The following HOXA5 variants were observed in gnomAD, a reference collection of about 807,000 sequenced individuals.
HOXA5 encodes the protein homeobox A5.
A neutral mutation model predicts 20.0 loss-of-function variants in HOXA5; 12 were observed. The ratio of observed to expected loss-of-function variants is 0.60; its 90% CI spans 0.38 to 0.97. The LOEUF (loss-of-function observed/expected upper bound fraction) is 0.97. Ranked by LOEUF, HOXA5 falls within the 50% of genes least tolerant of loss-of-function variation. HOXA5 has a pLI of 0.00. For synonymous variants in HOXA5, 159 were observed against 157.7 expected (o/e 1.01, Z -0.06); for missense variants, 352 against 380.3 (o/e 0.93, Z 0.62).
Position 27,143,153 on chromosome 7 carries a change from T to A in HOXA5, c.455A>T (p.Asp152Val). 2 of 1,609,398 alleles carry A rather than the reference T, an allele frequency of 1.2e-6. No homozygotes were observed. Among genetic ancestry groups the A allele is most frequent in the Non-Finnish European group, 1.7e-6 (2 of 1,178,574 alleles). The stretch of plus-strand genomic sequence containing the variant: ...CGCCTGCTCGCTGCTGGCAGGGGCG[T>A]CCTCCTCGGCTCCGGACGCCGTGCC... ...GVGTASGAEEDAPASSEQASA... is the reference protein window; with the variant it reads ...GVGTASGAEEVAPASSEQASA... The change falls in exon 1 of 2, where the codon GAC becomes GTC. Residue 152 changes from aspartate to valine, a missense_variant. Physicochemically the swap from Asp to Val is radical, Grantham distance 152. This residue lies in a region of HOXA5 where 319 missense variants were observed against 336.5 expected (regional missense o/e 0.95). Coordinates refer to ENST00000222726, the MANE Select transcript of HOXA5 (RefSeq NM_019102.4).
In HOXA5 at chr7:27,143,100, G is replaced by A. The variant is rs781649860; in HGVS notation, c.508C>T (p.Pro170Ser). The change falls in exon 1 of 2, where the codon CCG (proline) becomes TCG (serine). Residue 170 changes from proline (P) to serine (S), a missense_variant. Pro to Ser is a moderately conservative substitution (Grantham distance 74). This residue lies in a region of HOXA5 where 319 missense variants were observed against 336.5 expected (regional missense o/e 0.95). Transcript: ENST00000222726. ...ASAQSEPSPA[P>S]PAQPQIYPWM... Reference sequence around the variant, plus strand: ...GGGTAGATCTGGGGTTGGGCGGGCGGCGCCGGGCTCGGCTCGCTCTGCGCA... The same window carrying A: ...GGGTAGATCTGGGGTTGGGCGGGCGACGCCGGGCTCGGCTCGCTCTGCGCA... The A allele has an allele frequency of 1.3e-6, 2 of 1,566,560 alleles. No individual in the cohort carries two copies. Among genetic ancestry groups the A allele is most frequent in the South Asian group, 1.2e-5 (1 of 82,918 alleles).
chr7:27,142,611 C>A lies in HOXA5; in HGVS notation c.562+435G>T, dbSNP rs78416026. 21 of 192,570 alleles carry A rather than the reference C, an allele frequency of 1.1e-4. No individual in the cohort carries two copies. In the East Asian group the frequency reaches 3.0e-3, roughly 27 times the overall value. The allele number at this position is 192,570 out of a possible 1,614,324, so 11.9% of individuals were successfully genotyped here. On this transcript the variant is annotated intron_variant, in intron 1 of 1. Coordinates refer to ENST00000222726, the MANE Select transcript of HOXA5 (RefSeq NM_019102.4). ...TGCAGGCTCTCGCCTCGATTCTTTC[C>A]CCCAAGCCCCTTTTCGGGGGCTGTA...
At position 27,143,139 on chromosome 7, in the gene HOXA5, T is replaced by C; in HGVS notation, c.469A>G (p.Ser157Gly). 6.2e-7 allele frequency: 1 copy of C among 1,608,622 alleles called. No individual in the cohort carries two copies. The highest frequency in any genetic ancestry group is 8.5e-7 in the Non-Finnish European group (1 of 1,178,334). Residue 157 changes from serine (S) to glycine (G), a missense_variant, in exon 1 of 2, where the codon AGC becomes GGC. This residue lies in a region of HOXA5 where 319 missense variants were observed against 336.5 expected (regional missense o/e 0.95). Coordinates refer to ENST00000222726, the MANE Select transcript of HOXA5 (RefSeq NM_019102.4). ...SGAEEDAPAS[S>G]EQASAQSEPS... ...TCGCTCTGCGCACTCGCCTGCTCGC[T>C]GCTGGCAGGGGCGTCCTCCTCGGCT...
chr7:27,142,901 CAG>C (rs924324053), intron 1 of HOXA5, 143 bp downstream of exon 1: 4 of 721,358 alleles, frequency 5.5e-6, no homozygotes, highest in Non-Finnish European at 9.0e-6. Context: ...AGGAGGAAGG[CAG>C]GGGAGGGAGA....
At position 27,143,561 on chromosome 7, in the gene HOXA5, C is replaced by T; in HGVS notation, c.47G>A (p.Gly16Asp). Residue 16 changes from glycine to aspartate, a missense_variant, in exon 1 of 2, where the codon GGC becomes GAC. By Grantham distance (94) the Gly-to-Asp change is moderately conservative. Around this residue, in one of 3 missense-constraint regions of HOXA5, gnomAD observed 319 missense variants for 336.5 expected, o/e 0.95. Transcript: ENST00000222726. ...VNSFCGRYPN[G>D]PDYQLHNYGD... is the part of the protein sequence containing the mutation. ...ATAATTATGCAACTGGTAGTCCGGG[C>T]CATTTGGATAGCGACCGCAAAATGA... 1.2e-6 allele frequency: 2 copies of T among 1,605,866 alleles called. No individual in the cohort carries two copies. Among genetic ancestry groups the T allele is most frequent in the Non-Finnish European group, 1.7e-6 (2 of 1,175,978 alleles).
chr7:27,142,161 T>C (rs1436748316), intron 1 of HOXA5, 76 bp from the exon 2 acceptor site: 2 of 1,519,020 alleles, frequency 1.3e-6, no homozygotes, highest in Non-Finnish European at 1.8e-6. Flanking sequence ...GCTTGGGTCA[T>C]GAGCAGGGAA....
At position 27,141,958 on chromosome 7, in the gene HOXA5, A is replaced by T; in HGVS notation, c.690T>A (p.His230Gln). 6.2e-7 allele frequency: 1 copy of T among 1,614,222 alleles called. No individual in the cohort carries two copies. The highest frequency in any genetic ancestry group is 8.5e-7 in the Non-Finnish European group (1 of 1,180,038). ...LTRRRRIEIA[H>Q]ALCLSERQIK... ...TTTGTCTCTCGGAGAGGCAAAGAGC[A>T]TGTGCTATTTCAATCCTCCTTCTGC... Residue 230 changes from histidine to glutamine, a missense_variant, in exon 2 of 2, where the codon CAT (histidine) becomes CAA (glutamine). Transcript: ENST00000222726.
Position 27,143,218 on chromosome 7 carries a change from G to C in HOXA5, c.390C>G (p.Ala130=). 1 of 1,610,320 alleles carries C rather than the reference G, an allele frequency of 6.2e-7. No individual in the cohort carries two copies. Among genetic ancestry groups the C allele is most frequent in the Non-Finnish European group, 8.5e-7 (1 of 1,178,920 alleles). The part of the protein sequence containing the change: ...NSLSNSSGAS[A]DAGSTHISSR... ...TGCTGATGTGGGTGCTGCCGGCGTCGGCCGAGGCGCCGCTGGAGTTGCTTA... is the reference window on the plus strand; with the variant it reads ...TGCTGATGTGGGTGCTGCCGGCGTCCGCCGAGGCGCCGCTGGAGTTGCTTA... The change falls in exon 1 of 2, where the codon GCC becomes GCG. Residue 130 remains alanine, a synonymous_variant. Transcript: ENST00000222726.
chr7:27,143,252 T>C lies in HOXA5; in HGVS notation c.356A>G (p.Lys119Arg), dbSNP rs759065939. ...GCCGCTGGAGTTGCTTAGGGAGTTT[T>C]TCCCGCCGTGGTGGCTGTCGCTGCC... is the stretch of plus-strand genomic sequence containing the variant. The part of the protein sequence containing the change: ...SPGSDSHHGG[K>R]NSLSNSSGAS... Residue 119 changes from lysine to arginine, a missense_variant, in exon 1 of 2, where the codon AAA becomes AGA. By Grantham distance (26) the Lys-to-Arg change is conservative (BLOSUM62 2). Coordinates refer to ENST00000222726, the MANE Select transcript of HOXA5 (RefSeq NM_019102.4). 6.2e-7 allele frequency: 1 copy of C among 1,608,866 alleles called. No individual in the cohort carries two copies. The highest frequency in any genetic ancestry group is 8.5e-7 in the Non-Finnish European group (1 of 1,178,824).
chr7:27,142,438 T>C (rs1020974934), intron 1 of HOXA5, among the ~76,000 whole-genome samples: 1 of 152,162 alleles, frequency 6.6e-6, no homozygotes, highest in Non-Finnish European at 1.5e-5. Context: ...GGCCCTTTCC[T>C]GAGCGCCCAA....
At position 27,142,049 on chromosome 7, in the gene HOXA5, G is replaced by GT. The variant is rs1326879343; in HGVS notation, c.598dup (p.Thr200AsnfsTer28). 1 of 1,613,892 alleles carries GT rather than the reference G, an allele frequency of 6.2e-7. No individual in the cohort carries two copies. The highest frequency in any genetic ancestry group is 8.5e-7 in the Non-Finnish European group (1 of 1,180,014). On this transcript the variant is annotated frameshift_variant, in exon 2 of 2. Coordinates refer to ENST00000222726, the MANE Select transcript of HOXA5 (RefSeq NM_019102.4). LOFTEE classifies it high-confidence loss of function. ...CAGGGTCTGGTAGCGCGTGTAGGCC[G>GT]TCCGGGCCCTTTTGCCTTCCGGGCC...
Position 27,143,226 on chromosome 7 carries a change from C to A in HOXA5, c.382G>T (p.Ala128Ser). ...TGGGTGCTGCCGGCGTCGGCCGAGG[C>A]GCCGCTGGAGTTGCTTAGGGAGTTT... ...GKNSLSNSSG[A>S]SADAGSTHIS... The change falls in exon 1 of 2, where the codon GCC becomes TCC. Residue 128 changes from alanine (A) to serine (S), a missense_variant. This residue lies in a region of HOXA5 where 319 missense variants were observed against 336.5 expected (regional missense o/e 0.95). Transcript: ENST00000222726. 2 of 1,609,940 alleles carry A rather than the reference C, an allele frequency of 1.2e-6. No individual in the cohort carries two copies. Among genetic ancestry groups the A allele is most frequent in the Non-Finnish European group, 1.7e-6 (2 of 1,178,918 alleles).
Position 27,141,615 on chromosome 7 carries a change from C to T in HOXA5, c.*220G>A. 2.4e-6 allele frequency: 1 copy of T among 418,366 alleles called. No individual in the cohort carries two copies. Among genetic ancestry groups the T allele is most frequent in the South Asian group, 6.3e-5 (1 of 15,906 alleles). 25.9% of individuals were successfully genotyped at this position (418,366 alleles called of 1,614,324 possible). ...ATAAGTTAAAACATCTATTTTTTTT[C>T]AAGACAAAGCCATTCAGGACAAAGA... is the stretch of plus-strand genomic sequence containing the variant. On this transcript the variant is annotated 3_prime_UTR_variant, in exon 2 of 2. Coordinates refer to ENST00000222726, the MANE Select transcript of HOXA5 (RefSeq NM_019102.4).
At position 27,141,783 on chromosome 7, in the gene HOXA5, G is replaced by T; in HGVS notation, c.*52C>A. 1 of 1,587,386 alleles carries T rather than the reference G, an allele frequency of 6.3e-7. No homozygotes were observed. Among genetic ancestry groups the T allele is most frequent in the South Asian group, 1.2e-5 (1 of 86,270 alleles). ...AGTTTCAGAAAGTCACCTTAGTACT[G>T]ACACTACGCGGGATCCGCTAATACT... is the stretch of plus-strand genomic sequence containing the variant. On this transcript the variant is annotated 3_prime_UTR_variant, in exon 2 of 2. Transcript: ENST00000222726.
intron 1 of HOXA5, 67 bp from the exon 2 acceptor site, chr7:27,142,152 C>T: frequency 1.3e-6 from 2 of 1,555,288 alleles, no homozygotes; most frequent in Non-Finnish European, 1.7e-6. Flanking sequence ...GGGGGACAAG[C>T]TTGGGTCATG....
At chr7:27,142,927 C>G (rs1436145283) in intron 1 of HOXA5, 119 bp downstream of exon 1, 4 of 942,152 alleles carry the variant, frequency 4.2e-6, no homozygotes, top group Admixed American at 2.7e-5. Flanking sequence ...GCAAGGAGAG[C>G]TCCGCAGGGC....
rs1337575407 is a variant in HOXA5 at position 27,143,066 on chromosome 7, C to A, written c.542G>T (p.Arg181Leu). ...PAQPQIYPWM[R>L]KLHISHDNIG... ...TTTACCATGACTTATGTGCAGCTTG[C>A]GCATCCAGGGGTAGATCTGGGGTTG... The change falls in exon 1 of 2, where the codon CGC (arginine) becomes CTC (leucine). Residue 181 changes from arginine (R) to leucine (L), a missense_variant. Arg to Leu is a moderately radical substitution (Grantham distance 102). This residue lies in a region of HOXA5 where 319 missense variants were observed against 336.5 expected (regional missense o/e 0.95). Transcript: ENST00000222726. 1 of 1,532,430 alleles carries A rather than the reference C, an allele frequency of 6.5e-7. No individual in the cohort carries two copies. The highest frequency in any genetic ancestry group is 1.4e-5 in the African/African-American group (1 of 70,238). 94.9% of individuals were successfully genotyped at this position (1,532,430 alleles called of 1,614,324 possible).
Position 27,143,661 on chromosome 7 carries a change from T to C in HOXA5, c.-54A>G. On this transcript the variant is annotated 5_prime_UTR_variant, in exon 1 of 2. Transcript: ENST00000222726. ...TGGCTCGCGGTCGTTTGTGCGTCTA[T>C]AGCACCCTTGCACAATTTATGATGA... The C allele has an allele frequency of 1.3e-6, 2 of 1,542,800 alleles. No homozygotes were observed. Among genetic ancestry groups the C allele is most frequent in the Non-Finnish European group, 8.7e-7 (1 of 1,143,310 alleles).
intron 1 of HOXA5, chr7:27,142,584 C>T (rs535621651): frequency 5.9e-5 from 11 of 185,734 alleles, no homozygotes; most frequent in Non-Finnish European, 8.8e-5. Flanking sequence ...AATTCAGAAT[C>T]CTGCAGGCTC....
Sources: allele counts gnomAD v4.1 joint callset (sites outside exome capture counted in the v4.1 genomes callset), GRCh38; gene constraint gnomAD v4.1.1; regional missense constraint gnomAD v4.1.1; transcripts MANE v1.5; gene names NCBI Gene and HGNC (gene_info 2026-07-23, HGNC 2026-07-21).